CACNA2D1: variants seen among roughly 807,000 people sequenced by gnomAD.
CACNA2D1 encodes the protein voltage-dependent calcium channel subunit alpha-2/delta-1.
In CACNA2D1, 53 loss-of-function variants were observed where a neutral mutation model predicts 171.5. That is an observed-to-expected ratio of 0.31 (90% CI 0.25 to 0.39). The LOEUF (loss-of-function observed/expected upper bound fraction) is 0.39. Ranked by LOEUF, CACNA2D1 falls within the 10% of genes least tolerant of loss-of-function variation. The probability of loss-of-function intolerance (pLI) is 1.00; values close to 1 mark genes in which losing one functional copy is unlikely to be tolerated. For missense variants in CACNA2D1, 903 were observed against 1,299.8 expected (o/e 0.69, Z 4.69); for synonymous variants, 442 against 443.1 (o/e 1.00, Z 0.03).
At chr7:82,165,790 A>C (rs926756882) in intron 4 of CACNA2D1, among the ~76,000 whole-genome samples, 1 of 152,080 alleles carries the variant, frequency 6.6e-6, no homozygotes, top group African/African-American at 2.4e-5. Context: ...TTGCAAAAAC[A>C]TTAAAATATG....
intron 3 of CACNA2D1, among the ~76,000 whole-genome samples, chr7:82,296,331 G>A (rs11767402): frequency 0.039 from 5,846 of 151,656 alleles, 163 homozygotes; most frequent in Middle Eastern, 0.082. Flanking sequence ...CTTTAAAATG[G>A]GATTAACATC....
intron 3 of CACNA2D1, among the ~76,000 whole-genome samples, chr7:82,181,418 T>C (rs192554627): frequency 2.6e-4 from 40 of 152,318 alleles, no homozygotes; most frequent in Non-Finnish European, 4.9e-4. Context: ...CTTCTCAAAG[T>C]GTGCCCAGAC....
At chr7:82,076,380 T>G (rs1808967654) in intron 7 of CACNA2D1, among the ~76,000 whole-genome samples, 1 of 152,170 alleles carries the variant, frequency 6.6e-6, no homozygotes, top group Non-Finnish European at 1.5e-5. Context: ...CAAACTTTAC[T>G]GTTCTAAGTT....
chr7:81,976,596 C>A (rs1312363530), intron 24 of CACNA2D1, among the ~76,000 whole-genome samples: 1 of 152,112 alleles, frequency 6.6e-6, no homozygotes, highest in Non-Finnish European at 1.5e-5. Context: ...GGCTCGCGCC[C>A]ATAATCCCAG....
At chr7:82,395,387 G>A (rs2129451154) in intron 1 of CACNA2D1, among the ~76,000 whole-genome samples, 1 of 152,300 alleles carries the variant, frequency 6.6e-6, no homozygotes, top group South Asian at 2.1e-4. Flanking sequence ...GGAAGCTAAT[G>A]CATACTTGCC....
chr7:82,384,573 A>T (rs893890973), intron 1 of CACNA2D1, among the ~76,000 whole-genome samples: 35 of 149,878 alleles, frequency 2.3e-4, no homozygotes, highest in South Asian at 1.1e-3. Context: ...TTTTGAAATT[A>T]AAAAAAAAAT....
At chr7:82,307,403 C>T (rs1033773729) in intron 3 of CACNA2D1, among the ~76,000 whole-genome samples, 3 of 151,876 alleles carry the variant, frequency 2.0e-5, no homozygotes, top group Middle Eastern at 3.4e-3. Flanking sequence ...GTGATCCTCC[C>T]GCCTCTGCCT....
chr7:82,201,023 TG>T (rs1315612759), intron 3 of CACNA2D1, among the ~76,000 whole-genome samples: 1 of 152,202 alleles, frequency 6.6e-6, no homozygotes, highest in Non-Finnish European at 1.5e-5. Context: ...ATATGTTTAT[TG>T]ATTATTCAAG....
At chr7:82,354,556 C>G (rs190203621) in intron 1 of CACNA2D1, among the ~76,000 whole-genome samples, 13 of 152,268 alleles carry the variant, frequency 8.5e-5, no homozygotes, top group Admixed American at 3.9e-4. Context: ...GACAGTTTTA[C>G]TTACTGCTCT....
chr7:82,274,671 C>G (rs955098105), intron 3 of CACNA2D1, among the ~76,000 whole-genome samples: 4 of 152,080 alleles, frequency 2.6e-5, no homozygotes, highest in Non-Finnish European at 4.4e-5. Context: ...GTGGGGAGCA[C>G]CATATCTATA....
rs34180150 is a variant in CACNA2D1, at chr7:82,432,037, T to TAA, written c.95+11326_95+11327dup. Reference sequence around the variant, plus strand: ...TGGGCAACAGAACAAGACTCTGTCTTAAAAAAAAAAAAAAAAAAAAATTGG... The same window carrying TAA: ...TGGGCAACAGAACAAGACTCTGTCTTAAAAAAAAAAAAAAAAAAAAAAATTGG... On this transcript the variant is annotated intron_variant, in intron 1 of 38. Transcript: ENST00000356860. 2.3e-3 allele frequency among the ~76,000 whole-genome samples: 188 copies of TAA among 82,210 alleles called. 10 individuals carry two copies. Among genetic ancestry groups the TAA allele is most frequent in the African/African-American group, 9.3e-3 (122 of 13,094 alleles). 53.9% of individuals were successfully genotyped at this position (82,210 alleles called of 152,430 possible).
At chr7:82,295,196 T>A (rs926415526) in intron 3 of CACNA2D1, among the ~76,000 whole-genome samples, 128 of 152,190 alleles carry the variant, frequency 8.4e-4, no homozygotes, top group African/African-American at 2.9e-3. Flanking sequence ...GGTTTCTTGT[T>A]ACAGTAAAAT....
At chr7:82,148,954 CCT>C (rs1793471615) in intron 4 of CACNA2D1, among the ~76,000 whole-genome samples, 1 of 152,124 alleles carries the variant, frequency 6.6e-6, no homozygotes, top group African/African-American at 2.4e-5. Flanking sequence ...CTTCTTAATG[CCT>C]CTCATAGAAT....
chr7:82,058,164 G>T (rs1408802664), intron 10 of CACNA2D1, among the ~76,000 whole-genome samples: 1 of 152,142 alleles, frequency 6.6e-6, no homozygotes, highest in African/African-American at 2.4e-5. Flanking sequence ...ATTCCTCAGA[G>T]AATTAAGTTC....
At chr7:82,201,444 T>A (rs1399668786) in intron 3 of CACNA2D1, among the ~76,000 whole-genome samples, 1 of 152,176 alleles carries the variant, frequency 6.6e-6, no homozygotes, top group African/African-American at 2.4e-5. Context: ...GTCTGGATAA[T>A]TTGGCCAGCA....
intron 3 of CACNA2D1, among the ~76,000 whole-genome samples, chr7:82,282,248 A>C (rs1462631178): frequency 6.6e-6 from 1 of 152,244 alleles, no homozygotes; most frequent in Non-Finnish European, 1.5e-5. Flanking sequence ...CAGTAAGCAG[A>C]GATTGCACCA....
At chr7:82,208,192 T>G (rs2129219409) in intron 3 of CACNA2D1, among the ~76,000 whole-genome samples, 1 of 152,262 alleles carries the variant, frequency 6.6e-6, no homozygotes, top group South Asian at 2.1e-4. Flanking sequence ...TTAAAATTGT[T>G]TTTTACCTTT....
chr7:82,137,751 G>T (rs185395515), intron 4 of CACNA2D1, among the ~76,000 whole-genome samples: 21,126 of 145,524 alleles, frequency 0.15, 1,660 homozygotes, highest in African/African-American at 0.2. Flanking sequence ...GTGGTGGCGG[G>T]TGCCTGTAGT....
intron 3 of CACNA2D1, among the ~76,000 whole-genome samples, chr7:82,260,673 G>T (rs1199684489): frequency 6.6e-6 from 1 of 152,148 alleles, no homozygotes; most frequent in Non-Finnish European, 1.5e-5. Flanking sequence ...TGAAGAAATG[G>T]CCTTAGAAAG....
Sources: gnomAD v4.1 joint callset for allele counts (sites outside exome capture counted in the v4.1 genomes callset) on GRCh38, gnomAD v4.1.1 for gene constraint, MANE v1.5 for transcripts, NCBI Gene and HGNC (gene_info 2026-07-23, HGNC 2026-07-21) for gene names.